Variants in PRAG1 observed in about 807,000 individuals in gnomAD.
PRAG1 encodes inactive tyrosine-protein kinase PRAG1.
Under a neutral mutation model 95.6 loss-of-function variants are expected in PRAG1, and 110 were observed. The ratio of observed to expected loss-of-function variants is 1.15; its 90% CI spans 0.99 to 1.35. The LOEUF (loss-of-function observed/expected upper bound fraction) is 1.35, where lower values mean the gene tolerates loss of function less well. Among genes scored for constraint, PRAG1 ranks in the 40% most tolerant of loss-of-function variants. The pLI is 0.00. For missense variants in PRAG1, 2,554 were observed against 1,864.7 expected, an observed-to-expected ratio of 1.37 and a Z score of -6.81; for synonymous variants, 1,052 against 819.4, an observed-to-expected ratio of 1.28 and a Z score of -4.85.
At chr8:8,340,099 C>G (rs1389439572) in intron 3 of PRAG1, among the ~76,000 whole-genome samples, 1 of 152,230 alleles carries the variant, frequency 6.6e-6, no homozygotes, top group African/African-American at 2.4e-5. Flanking sequence ...TCTTTTTTTA[C>G]CTGGTACTCT....
rs116093694 is a variant in PRAG1, at chr8:8,342,531, T to C, written c.2163-2896A>G. 1.5e-3 allele frequency among the ~76,000 whole-genome samples: 227 copies of C among 152,256 alleles called. 1 individual carries two copies. The highest frequency in any genetic ancestry group is 5.1e-3 in the African/African-American group (212 of 41,558). On this transcript the variant is annotated intron_variant, in intron 3 of 5. Coordinates refer to ENST00000615670, the MANE Select transcript of PRAG1 (RefSeq NM_001080826.3). ...TAATTTTTATAAGAGAAACATTATG[T>C]GTTCTCTGAAAGATTGCGAAAACTA...
Position 8,318,009 on chromosome 8 carries a change from AT to A in PRAG1, c.*144del. On this transcript the variant is annotated 3_prime_UTR_variant, in exon 6 of 6. Transcript: ENST00000615670. This position sits in a 1 kb window ranked among gnomAD's most constrained non-coding sequence, Gnocchi z 4.2. ...TTTCATATTTATATATGGTATATGTATTTTCTATATATATATTTATATATTT... is the reference window on the plus strand; with the variant it reads ...TTTCATATTTATATATGGTATATGTATTTCTATATATATATTTATATATTT... 2 of 589,454 alleles carry A rather than the reference AT, an allele frequency of 3.4e-6. No homozygotes were observed. Among genetic ancestry groups the A allele is most frequent in the Non-Finnish European group, 2.6e-6 (1 of 391,920 alleles). The allele number at this position is 589,454 out of a possible 1,614,324, so 36.5% of individuals were successfully genotyped here. A position where few individuals can be genotyped will look rare whatever the true frequency, so the allele number is the denominator to read the frequency against.
At chr8:8,351,105 T>G (rs1385768669) in intron 3 of PRAG1, among the ~76,000 whole-genome samples, 1 of 152,204 alleles carries the variant, frequency 6.6e-6, no homozygotes, top group South Asian at 2.1e-4. Flanking sequence ...AATTGCCTCA[T>G]GGTTCCACAG....
At chr8:8,367,181 G>C (rs1800035037) in intron 3 of PRAG1, among the ~76,000 whole-genome samples, 1 of 152,020 alleles carries the variant, frequency 6.6e-6, no homozygotes, top group Non-Finnish European at 1.5e-5. Context: ...ACAATATGCA[G>C]TCATAAAATC....
intron 3 of PRAG1, among the ~76,000 whole-genome samples, chr8:8,363,216 T>C (rs1023994341): frequency 6.6e-6 from 1 of 151,908 alleles, no homozygotes. Flanking sequence ...CTAACACTTA[T>C]GACTTATTCC....
intron 5 of PRAG1, 104 bp from the exon 6 acceptor site, chr8:8,319,406 T>G (rs185414741): frequency 2.1e-6 from 2 of 946,036 alleles, no homozygotes; most frequent in African/African-American, 3.3e-5. Flanking sequence ...CCTATCCACA[T>G]AGGCTTAAGG....
intron 3 of PRAG1, among the ~76,000 whole-genome samples, chr8:8,362,095 C>T (rs1240860063): frequency 2.6e-5 from 4 of 152,200 alleles, no homozygotes; most frequent in African/African-American, 9.7e-5. Flanking sequence ...CTCCTCTTCC[C>T]CCACCCCTGG....
chr8:8,381,592 G>A lies in PRAG1; in HGVS notation c.156C>T (p.Gly52=). Reference sequence around the variant, plus strand: ...GCAGGCGCGGTGGAGGGGGCAGGCTGCCCGCTCTGGGCTGGGGAGGGCCGG... The same window carrying A: ...GCAGGCGCGGTGGAGGGGGCAGGCTACCCGCTCTGGGCTGGGGAGGGCCGG... The part of the protein sequence containing the change: ...LVAGPPQPRA[G]SLPPPPRLPP... Residue 52 remains glycine, a synonymous_variant, in exon 2 of 6, where the codon GGC becomes GGT. Transcript: ENST00000615670. The A allele has an allele frequency of 6.2e-7, 1 of 1,614,074 alleles. No individual in the cohort carries two copies. The highest frequency in any genetic ancestry group is 2.2e-5 in the East Asian group (1 of 44,878).
chr8:8,333,770 C>T (rs1798895637), intron 4 of PRAG1, among the ~76,000 whole-genome samples: 1 of 152,232 alleles, frequency 6.6e-6, no homozygotes, highest in Non-Finnish European at 1.5e-5. Flanking sequence ...AGCGTCCCAA[C>T]TAAGTCTCCC....
intron 3 of PRAG1, among the ~76,000 whole-genome samples, chr8:8,366,165 G>C (rs1190421415): frequency 6.6e-6 from 1 of 152,122 alleles, no homozygotes; most frequent in Non-Finnish European, 1.5e-5. Flanking sequence ...TAAAATTCAT[G>C]GGACGTTCAT....
chr8:8,327,572 C>G, intron 5 of PRAG1, 138 bp downstream of exon 5: 3 of 1,045,342 alleles, frequency 2.9e-6, no homozygotes, highest in Non-Finnish European at 4.0e-6. Context: ...TCTTATCTTA[C>G]AAGAAAAAAA....
chr8:8,340,317 C>A (rs538268502), intron 3 of PRAG1, among the ~76,000 whole-genome samples: 23 of 152,342 alleles, frequency 1.5e-4, no homozygotes, highest in Middle Eastern at 3.4e-3. Context: ...GAAATACCAA[C>A]TTCAAGAGAA....
chr8:8,319,227 C>A lies in PRAG1; in HGVS notation c.3148G>T (p.Asp1050Tyr). 6.4e-7 allele frequency: 1 copy of A among 1,570,890 alleles called. No homozygotes were observed. Among genetic ancestry groups the A allele is most frequent in the Non-Finnish European group, 8.7e-7 (1 of 1,153,664 alleles). ...ACCGAGGCGACGAAGTGGCCGCAGTCCTGCTGGATGTTAAAGTGCACGGGC... is the reference window on the plus strand; with the variant it reads ...ACCGAGGCGACGAAGTGGCCGCAGTACTGCTGGATGTTAAAGTGCACGGGC... ...SVPVHFNIQQDCGHFVASVPS... is the reference protein window; with the variant it reads ...SVPVHFNIQQYCGHFVASVPS... Residue 1050 changes from aspartate to tyrosine, a missense_variant, in exon 6 of 6, where the codon GAC (aspartate) becomes TAC (tyrosine). Transcript: ENST00000615670.
intron 1 of PRAG1, among the ~76,000 whole-genome samples, chr8:8,382,830 A>T (rs541861446): frequency 1.1e-4 from 16 of 152,292 alleles, no homozygotes; most frequent in South Asian, 2.1e-4. Flanking sequence ...ACTATGGCAA[A>T]CACAAGAACT....
In PRAG1 at chr8:8,318,957, C is replaced by T. The variant is rs1798381573; in HGVS notation, c.3418G>A (p.Gly1140Arg). The T allele has an allele frequency of 2.5e-6, 4 of 1,613,014 alleles. No individual in the cohort carries two copies. Among genetic ancestry groups the T allele is most frequent in the East Asian group, 4.5e-5 (2 of 44,848 alleles). ...AGGCACAGGTCCCGGTGGATGATCCCGTGCTCCTTCAGGTGCTCCAGCCCG... is the reference window on the plus strand; with the variant it reads ...AGGCACAGGTCCCGGTGGATGATCCTGTGCTCCTTCAGGTGCTCCAGCCCG... ...CNGLEHLKEH[G>R]IIHRDLCLEN... Residue 1140 changes from glycine to arginine, a missense_variant, in exon 6 of 6, where the codon GGG becomes AGG. Gly to Arg is a moderately radical substitution (Grantham distance 125). Coordinates refer to ENST00000615670, the MANE Select transcript of PRAG1 (RefSeq NM_001080826.3). This position sits in a 1 kb window ranked among gnomAD's most constrained non-coding sequence, Gnocchi z 4.2.
chr8:8,373,792 T>C (rs1800291881), intron 3 of PRAG1, among the ~76,000 whole-genome samples: 1 of 152,214 alleles, frequency 6.6e-6, no homozygotes, highest in African/African-American at 2.4e-5. Context: ...CTTGTTTATT[T>C]TTTAAGAGCT....
chr8:8,318,474 G>A lies in PRAG1; in HGVS notation c.3901C>T (p.Gln1301Ter). ...PALSLYSPGLQQLAHLLLEAD... is the reference protein window; with the variant it reads ...PALSLYSPGL ...TCCAGTAGCAGATGTGCCAGCTGCTGCAGGCCGGGTGAGTAGAGGGACAGC... is the reference window on the plus strand; with the variant it reads ...TCCAGTAGCAGATGTGCCAGCTGCTACAGGCCGGGTGAGTAGAGGGACAGC... The change falls in exon 6 of 6, where the codon CAG (glutamine) becomes TAG (stop). Residue 1301 changes from glutamine to a stop codon, truncating the protein, a stop_gained. Transcript: ENST00000615670. LOFTEE classifies it high-confidence loss of function. This position sits in a 1 kb window ranked among gnomAD's most constrained non-coding sequence, Gnocchi z 4.2. 1 of 1,612,184 alleles carries A rather than the reference G, an allele frequency of 6.2e-7. No individual in the cohort carries two copies. The highest frequency in any genetic ancestry group is 1.1e-5 in the South Asian group (1 of 91,062).
chr8:8,348,639 C>T (rs2116860140), intron 3 of PRAG1, among the ~76,000 whole-genome samples: 1 of 152,214 alleles, frequency 6.6e-6, no homozygotes, highest in Non-Finnish European at 1.5e-5. Flanking sequence ...GCTCCTCTCT[C>T]CCTTTCAAAC....
chr8:8,369,819 G>C (rs1016092650), intron 3 of PRAG1, among the ~76,000 whole-genome samples: 2 of 151,326 alleles, frequency 1.3e-5, no homozygotes, highest in Non-Finnish European at 2.9e-5. Flanking sequence ...TTACCTTTGT[G>C]TTCCCTAAAC....
Sources: gnomAD v4.1 joint callset for allele counts (sites outside exome capture counted in the v4.1 genomes callset) on GRCh38, gnomAD v4.1.1 for gene constraint, Gnocchi (gnomAD v3.1) non-coding constraint, MANE v1.5 for transcripts, NCBI Gene and HGNC (gene_info 2026-07-23, HGNC 2026-07-21) for gene names.